The following ROBO2 variants were observed in gnomAD, a reference collection of about 807,000 sequenced individuals.
ROBO2 encodes the protein roundabout guidance receptor 2, also known as roundabout homolog 2.
A neutral mutation model predicts 160.8 loss-of-function variants in ROBO2; 53 were observed. The ratio of observed to expected loss-of-function variants is 0.33; its 90% CI spans 0.26 to 0.41. ROBO2 has a LOEUF of 0.41. ROBO2 is among the 10% of genes least tolerant of loss of function. The probability of loss-of-function intolerance (pLI) is 1.00; values close to 1 mark genes in which losing one functional copy is unlikely to be tolerated. For synonymous variants in ROBO2, 664 were observed against 611.7 expected, an observed-to-expected ratio of 1.09 and a Z score of -1.26; for missense variants, 1,577 against 1,722.4, an observed-to-expected ratio of 0.92 and a Z score of 1.49.
intron 2 of ROBO2, among the ~76,000 whole-genome samples, chr3:76,442,588 A>G (rs1047977272): frequency 2.0e-5 from 3 of 152,160 alleles, no homozygotes; most frequent in Non-Finnish European, 2.9e-5. Context: ...AGTTACCTGA[A>G]GTCTACTACT....
chr3:76,108,039 T>C (rs1309320192), intron 2 of ROBO2, among the ~76,000 whole-genome samples: 3 of 152,062 alleles, frequency 2.0e-5, no homozygotes, highest in African/African-American at 7.2e-5. Context: ...ACCTGTATTA[T>C]ATTAGAAAGA....
chr3:77,371,993 T>C (rs2071825306), intron 2 of ROBO2, among the ~76,000 whole-genome samples: 1 of 152,190 alleles, frequency 6.6e-6, no homozygotes, highest in Non-Finnish European at 1.5e-5. Context: ...TTGAGTTATG[T>C]GGATAACTGG....
chr3:76,307,541 A>G (rs2071387401), intron 2 of ROBO2, among the ~76,000 whole-genome samples: 1 of 147,582 alleles, frequency 6.8e-6, no homozygotes, highest in Admixed American at 6.7e-5. Context: ...CTTCCCATTT[A>G]TAGACCTCTG....
intron 24 of ROBO2, among the ~76,000 whole-genome samples, chr3:77,642,190 T>A (rs568856327): frequency 2.6e-5 from 4 of 152,328 alleles, no homozygotes; most frequent in African/African-American, 9.6e-5. Context: ...GGCAGTCATA[T>A]GTTGCATATG....
chr3:77,302,778 C>T (rs1204124794), intron 2 of ROBO2, among the ~76,000 whole-genome samples: 1 of 152,068 alleles, frequency 6.6e-6, no homozygotes, highest in African/African-American at 2.4e-5. Flanking sequence ...ACTTGGAAGG[C>T]AACAACAGCA....
intron 5 of ROBO2, among the ~76,000 whole-genome samples, chr3:77,509,297 AAC>A (rs2089048823): frequency 1.3e-5 from 2 of 152,084 alleles, no homozygotes; most frequent in Admixed American, 6.6e-5. Flanking sequence ...GACTTCAGCA[AAC>A]ACAAAGGAAA....
At chr3:76,052,954 A>T (rs1309096356) in intron 2 of ROBO2, among the ~76,000 whole-genome samples, 7 of 152,038 alleles carry the variant, frequency 4.6e-5, no homozygotes, top group Non-Finnish European at 8.8e-5. Flanking sequence ...TAAGAAATAT[A>T]ACCTTTGGTT....
intron 2 of ROBO2, among the ~76,000 whole-genome samples, chr3:75,975,058 T>C (rs1396345499): frequency 2.0e-5 from 3 of 151,592 alleles, no homozygotes; most frequent in African/African-American, 7.2e-5. Context: ...TGAATTATTT[T>C]TAAGATTCAT....
intron 2 of ROBO2, among the ~76,000 whole-genome samples, chr3:76,516,547 C>T (rs1033755848): frequency 5.3e-5 from 8 of 152,102 alleles, no homozygotes; most frequent in Non-Finnish European, 1.0e-4. Flanking sequence ...GGACTGTGAA[C>T]TTGGCTCTTG....
At chr3:76,414,731 C>G (rs1417985555) in intron 2 of ROBO2, among the ~76,000 whole-genome samples, 1 of 140,600 alleles carries the variant, frequency 7.1e-6, no homozygotes, top group East Asian at 2.1e-4. Context: ...CTAACCTGCA[C>G]AATGTGCACA....
chr3:76,404,617 A>G (rs6774484), intron 2 of ROBO2, among the ~76,000 whole-genome samples: 27,919 of 151,190 alleles, frequency 0.18, 3,039 homozygotes, highest in African/African-American at 0.3. Flanking sequence ...TAAAGCTACA[A>G]TCTTAGGCAC....
intron 2 of ROBO2, among the ~76,000 whole-genome samples, chr3:77,394,699 G>A (rs2075092726): frequency 6.6e-6 from 1 of 152,032 alleles, no homozygotes. Flanking sequence ...GTCTTTATAA[G>A]TAACAGGAAA....
chr3:77,130,405 AAAAT>A (rs1439217132), intron 2 of ROBO2, among the ~76,000 whole-genome samples: 1 of 151,150 alleles, frequency 6.6e-6, no homozygotes, highest in East Asian at 2.0e-4. Flanking sequence ...TCCATAATCT[AAAAT>A]AAATATAGAA....
intron 2 of ROBO2, among the ~76,000 whole-genome samples, chr3:76,930,083 C>A (rs2077240652): frequency 6.6e-6 from 1 of 152,084 alleles, no homozygotes; most frequent in Non-Finnish European, 1.5e-5. Context: ...GAGTGCAGTG[C>A]CGTGATCTCA....
intron 2 of ROBO2, among the ~76,000 whole-genome samples, chr3:76,567,823 T>TTTG (rs1560164114): frequency 8.4e-6 from 1 of 119,496 alleles, no homozygotes; most frequent in African/African-American, 3.2e-5. Context: ...TTTTTTTTTT[T>TTTG]GGGGGGGGTT....
chr3:76,130,672 T>C (rs920415355), intron 2 of ROBO2, among the ~76,000 whole-genome samples: 1 of 151,958 alleles, frequency 6.6e-6, no homozygotes, highest in Non-Finnish European at 1.5e-5. Flanking sequence ...CCATTCCTAA[T>C]AAGAAAAATA....
At chr3:76,074,747 A>T (rs542563239) in intron 2 of ROBO2, among the ~76,000 whole-genome samples, 15 of 152,358 alleles carry the variant, frequency 9.8e-5, no homozygotes, top group African/African-American at 3.6e-4. Flanking sequence ...ATAAAGGCAG[A>T]TAGCCCACAT....
At chr3:77,143,711 G>T (rs7647878) in intron 2 of ROBO2, among the ~76,000 whole-genome samples, 1 of 151,724 alleles carries the variant, frequency 6.6e-6, no homozygotes, top group Non-Finnish European at 1.5e-5. Context: ...TATTTTTCTC[G>T]CTTGAAATCA....
intron 5 of ROBO2, among the ~76,000 whole-genome samples, chr3:77,507,924 A>T (rs999902662): frequency 3.9e-5 from 6 of 152,086 alleles, no homozygotes; most frequent in African/African-American, 1.4e-4. Context: ...GATGCACCAG[A>T]TTTTATTTAA....
Sources: allele counts gnomAD v4.1 joint callset (sites outside exome capture counted in the v4.1 genomes callset), GRCh38; gene constraint gnomAD v4.1.1; transcripts MANE v1.5; gene names NCBI Gene and HGNC (gene_info 2026-07-23, HGNC 2026-07-21).